The following UBAC2 variants were observed in gnomAD, a reference collection of about 807,000 sequenced individuals.
UBAC2 encodes the protein ubiquitin-associated domain-containing protein 2.
Under a neutral mutation model 44.0 loss-of-function variants are expected in UBAC2, and 26 were observed. That is an observed-to-expected ratio of 0.59 (90% CI 0.43 to 0.82). The LOEUF is 0.82. Ranked by LOEUF, UBAC2 falls within the 40% of genes least tolerant of loss-of-function variation. UBAC2 has a pLI of 0.00. For missense variants in UBAC2, 329 were observed against 419.4 expected (o/e 0.78, Z 1.88); for synonymous variants, 155 against 154.3 (o/e 1.00, Z -0.04).
At position 99,311,970 on chromosome 13, in the gene UBAC2, G is replaced by T. The variant is rs1169173588; in HGVS notation, c.390-2127G>T. 4.6e-5 allele frequency among the ~76,000 whole-genome samples: 7 copies of T among 152,250 alleles called. No individual in the cohort carries two copies. The East Asian group carries it at 1.3e-3, about 29-fold the overall frequency. On this transcript the variant is annotated intron_variant, in intron 4 of 8. Transcript: ENST00000403766. Reference sequence around the variant, plus strand: ...ATCCTTCTCACTGGATGGCTAGCCAGGTGTATCTCACATCTCTGTGTCCCC... The same window carrying T: ...ATCCTTCTCACTGGATGGCTAGCCATGTGTATCTCACATCTCTGTGTCCCC...
intron 2 of UBAC2, among the ~76,000 whole-genome samples, chr13:99,240,921 G>T (rs1331690599): frequency 6.6e-6 from 1 of 152,148 alleles, no homozygotes; most frequent in Non-Finnish European, 1.5e-5. Flanking sequence ...CAAGAGCACA[G>T]GTTGTATGAC....
intron 4 of UBAC2, among the ~76,000 whole-genome samples, chr13:99,246,856 A>T (rs2043389780): frequency 6.6e-6 from 1 of 152,212 alleles, no homozygotes; most frequent in African/African-American, 2.4e-5. Flanking sequence ...GAATGAAAAT[A>T]TATTTCTCTT....
chr13:99,326,571 A>T (rs934430378), intron 6 of UBAC2, among the ~76,000 whole-genome samples: 1 of 152,228 alleles, frequency 6.6e-6, no homozygotes, highest in African/African-American at 2.4e-5. Context: ...ATTATACTAC[A>T]TGATTGTCAG....
At chr13:99,368,943 TGCTGGG>T (rs1451533728) in intron 8 of UBAC2, among the ~76,000 whole-genome samples, 4 of 152,320 alleles carry the variant, frequency 2.6e-5, no homozygotes, top group Non-Finnish European at 5.9e-5. Flanking sequence ...GATCAGTCAC[TGCTGGG>T]GCCTGTCAGA....
At chr13:99,258,537 G>C (rs2043608267) in intron 4 of UBAC2, 2 of 152,118 alleles carry the variant, frequency 1.3e-5, no homozygotes, top group Non-Finnish European at 2.9e-5. Flanking sequence ...TATATACAAA[G>C]GATAAAGTTT....
intron 4 of UBAC2, among the ~76,000 whole-genome samples, chr13:99,289,197 T>G (rs1328281088): frequency 6.6e-6 from 1 of 152,122 alleles, no homozygotes; most frequent in East Asian, 1.9e-4. Context: ...TGTTGTAAGA[T>G]CTAAATTAAA....
At chr13:99,298,592 GTT>G (rs2044211453) in intron 4 of UBAC2, among the ~76,000 whole-genome samples, 1 of 152,116 alleles carries the variant, frequency 6.6e-6, no homozygotes, top group African/African-American at 2.4e-5. Context: ...GAAAAGAACT[GTT>G]TGTCCAAAGC....
At chr13:99,270,955 C>T (rs1385961024) in intron 4 of UBAC2, among the ~76,000 whole-genome samples, 2 of 152,180 alleles carry the variant, frequency 1.3e-5, no homozygotes, top group Admixed American at 1.3e-4. Flanking sequence ...TTTACAAGAG[C>T]AATCGGCTCT....
chr13:99,244,875 C>T (rs1202387510), intron 4 of UBAC2, among the ~76,000 whole-genome samples: 1 of 151,760 alleles, frequency 6.6e-6, no homozygotes, highest in African/African-American at 2.4e-5. Flanking sequence ...CTCTGTCACC[C>T]AGGCTGGAGT....
chr13:99,345,398 TAGA>T (rs1308474594), intron 7 of UBAC2, among the ~76,000 whole-genome samples: 1 of 150,978 alleles, frequency 6.6e-6, no homozygotes, highest in African/African-American at 2.5e-5. Flanking sequence ...AGGAGACAAA[TAGA>T]AGGAGGTTTC....
At chr13:99,205,386 T>C (rs1040389523) in intron 1 of UBAC2, among the ~76,000 whole-genome samples, 7 of 151,562 alleles carry the variant, frequency 4.6e-5, no homozygotes, top group African/African-American at 1.7e-4. Context: ...AGAGGAGGGG[T>C]TACTCTTGGT....
chr13:99,244,081 A>C, intron 3 of UBAC2, 130 bp downstream of exon 3: 1 of 752,244 alleles, frequency 1.3e-6, no homozygotes, highest in Non-Finnish European at 2.0e-6. Flanking sequence ...TCTGTATCTG[A>C]TTTGAGGCAC....
At chr13:99,344,120 A>G (rs1234884885) in intron 7 of UBAC2, among the ~76,000 whole-genome samples, 1 of 152,226 alleles carries the variant, frequency 6.6e-6, no homozygotes, top group African/African-American at 2.4e-5. Flanking sequence ...GTAAGTACTC[A>G]GTATATGTTA....
intron 4 of UBAC2, among the ~76,000 whole-genome samples, chr13:99,260,067 C>T (rs1028650284): frequency 3.3e-5 from 5 of 152,218 alleles, no homozygotes; most frequent in African/African-American, 9.6e-5. Context: ...TGCTGTTCCA[C>T]CCACTGTGGC....
intron 7 of UBAC2, among the ~76,000 whole-genome samples, chr13:99,344,911 G>A (rs2044950516): frequency 6.6e-6 from 1 of 152,208 alleles, no homozygotes; most frequent in South Asian, 2.1e-4. Flanking sequence ...CAACTTCAGG[G>A]AGCTCAGGCA....
chr13:99,296,984 A>G (rs778176350), intron 4 of UBAC2, among the ~76,000 whole-genome samples: 1 of 152,188 alleles, frequency 6.6e-6, no homozygotes, highest in African/African-American at 2.4e-5. Context: ...TTTATTCACC[A>G]AACATCTTCA....
intron 4 of UBAC2, among the ~76,000 whole-genome samples, chr13:99,290,710 G>A (rs1253634239): frequency 1.4e-5 from 2 of 141,848 alleles, no homozygotes; most frequent in African/African-American, 2.7e-5. Context: ...GGGTGACAGC[G>A]AGACACCGTT....
chr13:99,354,777 G>A (rs2045151442), intron 7 of UBAC2, among the ~76,000 whole-genome samples: 1 of 152,148 alleles, frequency 6.6e-6, no homozygotes, highest in African/African-American at 2.4e-5. Flanking sequence ...GGCTTCTTGT[G>A]CACACTCACT....
intron 7 of UBAC2, chr13:99,351,421 A>G (rs915234978): frequency 2.4e-6 from 1 of 408,524 alleles, no homozygotes; most frequent in Non-Finnish European, 4.8e-6. Context: ...ACTACATAGT[A>G]TCTTTGATCT....
Sources: allele counts gnomAD v4.1 joint callset (sites outside exome capture counted in the v4.1 genomes callset), GRCh38; gene constraint gnomAD v4.1.1; transcripts MANE v1.5; gene names NCBI Gene and HGNC (gene_info 2026-07-23, HGNC 2026-07-21).